The following CPNE4 variants were observed in gnomAD, a reference collection of about 807,000 sequenced individuals.
The protein encoded by CPNE4 is copine-4.
CPNE4 carries 25 observed loss-of-function variants against 67.9 expected under a neutral mutation model. The ratio of observed to expected loss-of-function variants is 0.37; its 90% CI spans 0.27 to 0.51. The LOEUF is 0.51. Ranked by LOEUF, CPNE4 falls within the 20% of genes least tolerant of loss-of-function variation. The probability of loss-of-function intolerance (pLI) is 0.93; values close to 1 mark genes in which losing one functional copy is unlikely to be tolerated. For synonymous variants in CPNE4, 242 were observed against 244.9 expected (o/e 0.99, Z 0.11); for missense variants, 464 against 690.8 (o/e 0.67, Z 3.68).
At chr3:131,743,163 T>C (rs1412606568) in intron 2 of CPNE4, among the ~76,000 whole-genome samples, 2 of 152,196 alleles carry the variant, frequency 1.3e-5, no homozygotes, top group Non-Finnish European at 2.9e-5. Flanking sequence ...TAATATCATA[T>C]GTGTTTCTTT....
chr3:132,023,285 T>C (rs1244871727), intron 1 of CPNE4, among the ~76,000 whole-genome samples: 1 of 152,188 alleles, frequency 6.6e-6, no homozygotes, highest in Non-Finnish European at 1.5e-5. Flanking sequence ...TGCAGTGCCG[T>C]GTACCCAGAG....
At chr3:131,620,604 T>C (rs1323173736) in intron 7 of CPNE4, 1 of 304,736 alleles carries the variant, frequency 3.3e-6, no homozygotes, top group African/African-American at 2.3e-5. Flanking sequence ...TGTAATTAAG[T>C]ATTTTGAGAC....
chr3:131,562,767 C>A (rs1425731265), intron 11 of CPNE4, among the ~76,000 whole-genome samples: 2 of 152,032 alleles, frequency 1.3e-5, no homozygotes, highest in African/African-American at 2.4e-5. Context: ...AACCCCCTCA[C>A]CCACTGCCTG....
chr3:131,707,476 T>C (rs2081441821), intron 3 of CPNE4, among the ~76,000 whole-genome samples: 1 of 152,194 alleles, frequency 6.6e-6, no homozygotes. Flanking sequence ...AATAAATTCA[T>C]ATTCACAGGA....
intron 1 of CPNE4, among the ~76,000 whole-genome samples, chr3:131,952,514 G>A (rs1441130976): frequency 1.0e-5 from 1 of 98,936 alleles, no homozygotes; most frequent in Admixed American, 9.3e-5. Context: ...CCATCCGGGA[G>A]GGAGGTGGGG....
At chr3:131,975,169 C>A (rs1038603108) in intron 1 of CPNE4, among the ~76,000 whole-genome samples, 3 of 152,130 alleles carry the variant, frequency 2.0e-5, no homozygotes, top group Admixed American at 6.5e-5. Context: ...CAAGAGAGAA[C>A]CGCCTGTCAA....
chr3:131,609,805 T>C (rs1207025916), intron 7 of CPNE4, among the ~76,000 whole-genome samples: 1 of 152,120 alleles, frequency 6.6e-6, no homozygotes, highest in Non-Finnish European at 1.5e-5. Context: ...GCCATATTTG[T>C]GTTTGTTCAG....
chr3:131,819,933 GAT>G (rs1261410574), intron 2 of CPNE4, among the ~76,000 whole-genome samples: 2 of 152,134 alleles, frequency 1.3e-5, no homozygotes, highest in African/African-American at 4.8e-5. Context: ...ACTAAGAAGA[GAT>G]ATATTAATAA....
At position 131,792,696 on chromosome 3, in the gene CPNE4, C is replaced by CACACGTGTGTATATGT. The variant is rs1560322840; in HGVS notation, c.181-69072_181-69071insACATATACACACGTGT. ...ACATATATACACACGTGTATATATA[C>CACACGTGTGTATATGT]ATATACACACACGTGTATATATGTA... On this transcript the variant is annotated intron_variant, in intron 2 of 15. Transcript: ENST00000429747. Among the ~76,000 whole-genome samples the CACACGTGTGTATATGT allele has an allele frequency of 1.6e-4, 7 of 44,522 alleles. 1 individual carries two copies. Among genetic ancestry groups the CACACGTGTGTATATGT allele is most frequent in the African/African-American group, 4.2e-4 (5 of 11,826 alleles). The allele number at this position is 44,522 out of a possible 152,430, so 29.2% of individuals were successfully genotyped here. A position where few individuals can be genotyped will look rare whatever the true frequency, so the allele number is the denominator to read the frequency against.
Position 131,535,223 on chromosome 3 carries a change from T to G in CPNE4, c.1646A>C (p.Tyr549Ser). Residue 549 changes from tyrosine to serine, a missense_variant, in exon 16 of 16, where the codon TAT becomes TCT. This residue lies in a region of CPNE4 where 201 missense variants were observed against 357.7 expected (regional missense o/e 0.56). Transcript: ENST00000429747. ...TGGTGCTAGTGTTCTGGAAGATTCA[T>G]ACATTTCTGATGAACATTTTGGTTT... Reference protein sequence around the residue: ...GIKPKCSSEMYESSRTLAP With the variant: ...GIKPKCSSEMSESSRTLAP The G allele has an allele frequency of 1.2e-6, 2 of 1,613,552 alleles. No individual in the cohort carries two copies. The highest frequency in any genetic ancestry group is 1.7e-6 in the Non-Finnish European group (2 of 1,179,906).
chr3:131,680,138 G>A (rs2080703870), intron 6 of CPNE4, among the ~76,000 whole-genome samples: 1 of 152,096 alleles, frequency 6.6e-6, no homozygotes, highest in African/African-American at 2.4e-5. Context: ...ATTTAGGATA[G>A]TTAGCTCTTC....
At chr3:131,906,107 A>G (rs2088739695) in intron 1 of CPNE4, among the ~76,000 whole-genome samples, 1 of 152,162 alleles carries the variant, frequency 6.6e-6, no homozygotes, top group Non-Finnish European at 1.5e-5. Context: ...GAAAAGCACA[A>G]AGCTTCCTAT....
chr3:131,955,410 GT>G (rs766033406), intron 1 of CPNE4, among the ~76,000 whole-genome samples: 109 of 42,262 alleles, frequency 2.6e-3, no homozygotes, highest in Non-Finnish European at 3.8e-3. Context: ...TGTATGTAAG[GT>G]TTTTTTTTTT....
intron 5 of CPNE4, among the ~76,000 whole-genome samples, chr3:131,686,362 G>A (rs991818925): frequency 3.9e-5 from 6 of 152,174 alleles, no homozygotes; most frequent in Admixed American, 2.6e-4. Context: ...CCTATGTAAT[G>A]ACTACAATGT....
intron 7 of CPNE4, among the ~76,000 whole-genome samples, chr3:131,589,957 T>C (rs924096062): frequency 9.2e-5 from 14 of 152,130 alleles, no homozygotes; most frequent in South Asian, 2.1e-4. Context: ...GACATGAGAA[T>C]TGAGAAGAAA....
intron 1 of CPNE4, among the ~76,000 whole-genome samples, chr3:132,018,629 G>C (rs2073934384): frequency 6.6e-6 from 1 of 152,122 alleles, no homozygotes; most frequent in Non-Finnish European, 1.5e-5. Context: ...ATTTAAACTT[G>C]TAACACTTCA....
chr3:131,888,601 T>C (rs149888603), intron 2 of CPNE4, among the ~76,000 whole-genome samples: 52 of 152,266 alleles, frequency 3.4e-4, no homozygotes, highest in Non-Finnish European at 6.6e-4. Context: ...TTACTTCTCT[T>C]CTAAAACTGA....
At chr3:131,970,528 T>C (rs1271428843) in intron 1 of CPNE4, among the ~76,000 whole-genome samples, 2 of 152,236 alleles carry the variant, frequency 1.3e-5, no homozygotes, top group Admixed American at 6.5e-5. Context: ...GATGGGGCAT[T>C]TGGGCAAGAA....
chr3:131,907,441 G>T (rs1289371572), intron 1 of CPNE4, among the ~76,000 whole-genome samples: 1 of 151,998 alleles, frequency 6.6e-6, no homozygotes, highest in East Asian at 1.9e-4. Context: ...GTTTAACTGA[G>T]TACAGCATGC....
Sources: allele counts gnomAD v4.1 joint callset (sites outside exome capture counted in the v4.1 genomes callset), GRCh38; gene constraint gnomAD v4.1.1; regional missense constraint gnomAD v4.1.1; transcripts MANE v1.5; gene names NCBI Gene and HGNC (gene_info 2026-07-23, HGNC 2026-07-21).